DMD: variants seen among roughly 807,000 people sequenced by gnomAD.
DMD encodes the protein dystrophin.
In DMD, 63 loss-of-function variants were observed where a neutral mutation model predicts 330.1. That is an observed-to-expected ratio of 0.19 (90% CI 0.16 to 0.24). The LOEUF (loss-of-function observed/expected upper bound fraction) is 0.24. Ranked by LOEUF, DMD falls within the 10% of genes least tolerant of loss-of-function variation. The pLI is 1.00. For synonymous variants in DMD, 1,223 were observed against 959.8 expected (o/e 1.27, Z -5.07); for missense variants, 3,344 against 2,684.1 (o/e 1.25, Z -5.43).
At chrX:32,934,631 A>G (rs1212980719) in intron 2 of DMD, among the ~76,000 whole-genome samples, 4 of 111,991 alleles carry the variant, frequency 3.6e-5, no homozygotes, top group Non-Finnish European at 7.5e-5. Flanking sequence ...TATTTGATGC[A>G]TAAAAGAATA....
At chrX:31,482,798 A>G (rs1382696491) in intron 57 of DMD, among the ~76,000 whole-genome samples, 1 of 111,790 alleles carries the variant, frequency 8.9e-6, no homozygotes, top group African/African-American at 3.2e-5. Flanking sequence ...TTTTTAGCAT[A>G]GGAATGATTT....
rs201370550 is a variant in DMD at position 31,728,714 on chromosome X, G to GA, written c.7660+916dup. 1.2e-3 allele frequency among the ~76,000 whole-genome samples: 130 copies of GA among 109,535 alleles called. 1 individual carries two copies. Among genetic ancestry groups the GA allele is most frequent in the African/African-American group, 3.5e-3 (107 of 30,178 alleles). The stretch of plus-strand genomic sequence containing the variant: ...GGTAAAAGACAAAAGATTTCAAAGA[G>GA]AAAAAAAAAGATGGCTGAAAGGTTT... On this transcript the variant is annotated intron_variant, in intron 52 of 78. Coordinates refer to ENST00000357033, the MANE Select transcript of DMD (RefSeq NM_004006.3).
At position 31,368,570 on chromosome X, in the gene DMD, T is replaced by C. The variant is rs140370499; in HGVS notation, c.9085-19936A>G. On this transcript the variant is annotated intron_variant, in intron 60 of 78. Coordinates refer to ENST00000357033, the MANE Select transcript of DMD (RefSeq NM_004006.3). ...TACACTTCTCAACAGTTCCAGAGAA[T>C]TGCTCATCTTTCTTTGTCGCTTCAT... Among the ~76,000 whole-genome samples the C allele has an allele frequency of 3.9e-3, 442 of 111,993 alleles. 1 individual carries two copies. Among genetic ancestry groups the C allele is most frequent in the Middle Eastern group, 0.018 (4 of 218 alleles).
intron 1 of DMD, among the ~76,000 whole-genome samples, chrX:33,074,176 C>T (rs1459293824): frequency 1.8e-5 from 2 of 111,671 alleles, no homozygotes; most frequent in African/African-American, 6.5e-5. Context: ...ATTGTTCAAA[C>T]TGTGTTCAAA....
intron 2 of DMD, among the ~76,000 whole-genome samples, chrX:32,978,797 A>C (rs752072736): frequency 1.8e-5 from 2 of 112,073 alleles, no homozygotes; most frequent in South Asian, 7.5e-4. Context: ...GTTTCAAGTA[A>C]CAATTTTATT....
intron 62 of DMD, among the ~76,000 whole-genome samples, chrX:31,289,929 A>ATTC (rs1296318007): frequency 1.0e-5 from 1 of 96,009 alleles, no homozygotes; most frequent in Non-Finnish European, 2.1e-5. Flanking sequence ...TATTATTATT[A>ATTC]TTATTATTTG....
At chrX:33,231,361 G>A (rs1399978950) in intron 1 of DMD, among the ~76,000 whole-genome samples, 2 of 111,993 alleles carry the variant, frequency 1.8e-5, no homozygotes, top group Non-Finnish European at 3.8e-5. Flanking sequence ...TCACGTTCTA[G>A]TGAGTATTTT....
intron 44 of DMD, among the ~76,000 whole-genome samples, chrX:32,208,661 C>T (rs16990163): frequency 0.046 from 5,168 of 111,750 alleles, 296 homozygotes; most frequent in African/African-American, 0.16. Context: ...TTGCTTTAGA[C>T]GTTGTGCCTT....
At chrX:32,010,364 C>G (rs373503881) in intron 44 of DMD, among the ~76,000 whole-genome samples, 3 of 111,602 alleles carry the variant, frequency 2.7e-5, no homozygotes, top group Non-Finnish European at 5.6e-5. Context: ...ACACTGGTAG[C>G]TTGAAATTGG....
At chrX:32,439,712 T>A (rs1020217077) in intron 28 of DMD, among the ~76,000 whole-genome samples, 13 of 111,328 alleles carry the variant, frequency 1.2e-4, no homozygotes, top group African/African-American at 4.2e-4. Flanking sequence ...TCCTCCTGGA[T>A]AAGCATCAGC....
intron 36 of DMD, 105 bp downstream of exon 36, chrX:32,364,477 G>T: frequency 2.2e-6 from 2 of 921,012 alleles, no homozygotes; most frequent in Non-Finnish European, 1.6e-6. Flanking sequence ...AGGAAGAAAG[G>T]ATTGTTTTAC....
chrX:31,479,758 T>C (rs1423264272), intron 57 of DMD, among the ~76,000 whole-genome samples: 1 of 112,319 alleles, frequency 8.9e-6, no homozygotes, highest in Non-Finnish European at 1.9e-5. Context: ...CTAGAATTAA[T>C]CTTTAATCTG....
intron 54 of DMD, among the ~76,000 whole-genome samples, chrX:31,641,555 C>T (rs1388506789): frequency 1.9e-5 from 2 of 106,773 alleles, no homozygotes; most frequent in East Asian, 5.8e-4. Context: ...TGAGGACAGG[C>T]GCACTGGGGA....
chrX:32,565,586 A>C lies in DMD; in HGVS notation c.1992+116T>G, dbSNP rs72468691. The C allele has an allele frequency of 1.2e-3, 937 of 749,810 alleles. 1 individual carries two copies. The highest frequency in any genetic ancestry group is 1.4e-3 in the Non-Finnish European group (683 of 501,253). 61.8% of individuals were successfully genotyped at this position (749,810 alleles called of 1,213,427 possible). A position where few individuals can be genotyped will look rare whatever the true frequency, so the allele number is the denominator to read the frequency against. On this transcript the variant is annotated intron_variant, in intron 16 of 78. Transcript: ENST00000357033. ...AAGAATCATGTTTTTATTTAACTAAACACAGGGCAAAAACTAATCTGGTTG... is the reference window on the plus strand; with the variant it reads ...AAGAATCATGTTTTTATTTAACTAACCACAGGGCAAAAACTAATCTGGTTG...
At chrX:32,565,354 G>T (rs966183062) in intron 16 of DMD, among the ~76,000 whole-genome samples, 1 of 111,461 alleles carries the variant, frequency 9.0e-6, no homozygotes, top group Non-Finnish European at 1.9e-5. Context: ...AGAGTAAAAC[G>T]GAGTTGGCTA....
chrX:31,962,486 A>C (rs1175421319), intron 45 of DMD, among the ~76,000 whole-genome samples: 1 of 111,725 alleles, frequency 9.0e-6, no homozygotes, highest in African/African-American at 3.3e-5. Context: ...TGCATTTCTT[A>C]GCAACTCCCA....
chrX:31,414,343 C>T (rs892848783), intron 60 of DMD, among the ~76,000 whole-genome samples: 15 of 111,774 alleles, frequency 1.3e-4, no homozygotes, highest in Non-Finnish European at 2.4e-4. Context: ...AAGATAAAAG[C>T]GACAAGCCAA....
At chrX:31,274,308 G>A (rs1051008824) in intron 62 of DMD, among the ~76,000 whole-genome samples, 3 of 112,067 alleles carry the variant, frequency 2.7e-5, no homozygotes, top group African/African-American at 6.5e-5. Flanking sequence ...CAGTGGGGCC[G>A]AGATTAAAAT....
intron 60 of DMD, among the ~76,000 whole-genome samples, chrX:31,366,507 A>AAAAAAAAAAAAAAAAAAAAAAT (rs1556574494): frequency 1.2e-5 from 1 of 85,910 alleles, no homozygotes; most frequent in East Asian, 4.1e-4. Flanking sequence ...CATAAAAAAA[A>AAAAAAAAAAAAAAAAAAAAAAT]AAATAAATAA....
Sources: allele counts gnomAD v4.1 joint callset (sites outside exome capture counted in the v4.1 genomes callset), GRCh38; gene constraint gnomAD v4.1.1; transcripts MANE v1.5; gene names NCBI Gene and HGNC (gene_info 2026-07-23, HGNC 2026-07-21).